The following FBXL13 variants were observed in gnomAD, a reference collection of about 807,000 sequenced individuals.
FBXL13 encodes the protein F-box and leucine-rich repeat protein 13.
A neutral mutation model predicts 83.6 loss-of-function variants in FBXL13; 67 were observed. The ratio of observed to expected loss-of-function variants is 0.80; its 90% CI spans 0.66 to 0.98. FBXL13 has a LOEUF of 0.98. Among genes scored for constraint, FBXL13 ranks in the 50% least tolerant of loss-of-function variants. FBXL13 has a pLI of 0.00. For synonymous variants in FBXL13, 272 were observed against 299.5 expected, an observed-to-expected ratio of 0.91 and a Z score of 0.95; for missense variants, 822 against 866.5, an observed-to-expected ratio of 0.95 and a Z score of 0.64.
chr7:103,028,035 C>G (rs1172730017), intron 4 of FBXL13, among the ~76,000 whole-genome samples: 1 of 152,082 alleles, frequency 6.6e-6, no homozygotes, highest in Non-Finnish European at 1.5e-5. Flanking sequence ...AGAAATGATT[C>G]TCTGGTTTGC....
chr7:103,055,831 T>A, intron 1 of FBXL13, 84 bp from the exon 2 acceptor site: 1 of 584,108 alleles, frequency 1.7e-6, no homozygotes, highest in South Asian at 1.7e-5. Flanking sequence ...ATTGTTCAAT[T>A]TGTTTTGGGT....
intron 8 of FBXL13, among the ~76,000 whole-genome samples, chr7:102,951,694 C>A (rs1407610882): frequency 1.3e-5 from 2 of 149,980 alleles, no homozygotes; most frequent in Non-Finnish European, 3.0e-5. Context: ...GTAGTCCTAG[C>A]TACTTAGGTG....
intron 6 of FBXL13, among the ~76,000 whole-genome samples, chr7:102,986,626 C>T (rs1828986954): frequency 6.6e-6 from 1 of 152,108 alleles, no homozygotes; most frequent in African/African-American, 2.4e-5. Context: ...AAGACTCTTG[C>T]ACAACCAAGC....
intron 17 of FBXL13, among the ~76,000 whole-genome samples, chr7:102,844,060 AAC>A (rs1381432868): frequency 2.0e-5 from 3 of 152,194 alleles, no homozygotes; most frequent in Non-Finnish European, 4.4e-5. Flanking sequence ...CCAGGCAGAA[AAC>A]ACAAGAGAGC....
At chr7:102,892,245 A>G (rs1451541875) in intron 11 of FBXL13, among the ~76,000 whole-genome samples, 1 of 152,200 alleles carries the variant, frequency 6.6e-6, no homozygotes, top group East Asian at 1.9e-4. Flanking sequence ...TTTTTGCCAG[A>G]TGTTTCATTT....
At chr7:102,908,805 C>A (rs894191611) in intron 11 of FBXL13, among the ~76,000 whole-genome samples, 4 of 152,246 alleles carry the variant, frequency 2.6e-5, no homozygotes, top group African/African-American at 7.2e-5. Flanking sequence ...GAAACAAGCA[C>A]CCCTGTGGCC....
intron 6 of FBXL13, among the ~76,000 whole-genome samples, chr7:103,016,781 G>A (rs1242788727): frequency 6.6e-6 from 1 of 152,200 alleles, no homozygotes; most frequent in Non-Finnish European, 1.5e-5. Flanking sequence ...CTGGGGGAGG[G>A]GCGCCCGCCA....
chr7:103,065,056 T>C (rs529598038), intron 1 of FBXL13, among the ~76,000 whole-genome samples: 1 of 152,342 alleles, frequency 6.6e-6, no homozygotes, highest in East Asian at 1.9e-4. Context: ...CACCAAGTGC[T>C]TTAACTGGTT....
chr7:102,816,463 C>T (rs895777490), intron 19 of FBXL13, among the ~76,000 whole-genome samples: 1 of 152,174 alleles, frequency 6.6e-6, no homozygotes, highest in African/African-American at 2.4e-5. Context: ...CCGTGACTAG[C>T]TGTCCTCACC....
At position 103,060,020 on chromosome 7, in the gene FBXL13, T is replaced by TTATATATATATA. The variant is rs772728840; in HGVS notation, c.-104-4285_-104-4274dup. 2.5e-3 allele frequency among the ~76,000 whole-genome samples: 127 copies of TTATATATATATA among 50,040 alleles called. 1 individual carries two copies. Among genetic ancestry groups the TTATATATATATA allele is most frequent in the Non-Finnish European group, 3.6e-3 (89 of 24,668 alleles). 32.8% of individuals were successfully genotyped at this position (50,040 alleles called of 152,430 possible). A position where few individuals can be genotyped will look rare whatever the true frequency, so the allele number is the denominator to read the frequency against. ...CAACAGATAATGATAGCAAGATATTTTATATATATATATATATATATATAT... is the reference window on the plus strand; with the variant it reads ...CAACAGATAATGATAGCAAGATATTTTATATATATATATATATATATATATATATATATATAT... On this transcript the variant is annotated intron_variant, in intron 1 of 19. Coordinates refer to ENST00000313221, the Ensembl canonical transcript of FBXL13.
At chr7:102,824,504 T>C (rs1329621102) in intron 18 of FBXL13, among the ~76,000 whole-genome samples, 4 of 151,964 alleles carry the variant, frequency 2.6e-5, no homozygotes, top group Non-Finnish European at 5.9e-5. Context: ...TTTTTCTTTC[T>C]TTTTTTTATT....
Position 102,883,479 on chromosome 7 carries a change from A to G in FBXL13, c.1226-12T>C, listed in dbSNP as rs373645786. 14 of 1,602,972 alleles carry G rather than the reference A, an allele frequency of 8.7e-6. No homozygotes were observed. Among genetic ancestry groups the G allele is most frequent in the Middle Eastern group, 1.7e-4 (1 of 6,002 alleles). On this transcript the variant is annotated splice_polypyrimidine_tract_variant and intron_variant, in intron 13 of 19. Coordinates refer to ENST00000313221, the Ensembl canonical transcript of FBXL13. ...AACCCTTTTATTTCCTGTTTTTAAA[A>G]AACAGAAGAAAAGACAAGTATTGTA...
At chr7:102,902,114 G>A (rs1563065627) in intron 11 of FBXL13, among the ~76,000 whole-genome samples, 2 of 151,988 alleles carry the variant, frequency 1.3e-5, no homozygotes, top group Admixed American at 1.3e-4. Flanking sequence ...TTAACTTTTG[G>A]AGAAAAGCCA....
rs189846013 is a variant in FBXL13 at position 102,955,925 on chromosome 7, C to T, written c.724+7608G>A. ...CAACCAAAAAAAGACCAGGACCAGA[C>T]GGATTCACAGCCGAATTCTACCAGA... On this transcript the variant is annotated intron_variant, in intron 8 of 19. Coordinates refer to ENST00000313221, the Ensembl canonical transcript of FBXL13. Among the ~76,000 whole-genome samples the T allele has an allele frequency of 3.5e-3, 537 of 152,136 alleles. 5 individuals carry two copies. Among genetic ancestry groups the T allele is most frequent in the Non-Finnish European group, 6.0e-3 (408 of 67,998 alleles).
chr7:102,953,463 C>G (rs1037835463), intron 8 of FBXL13, among the ~76,000 whole-genome samples: 8 of 151,996 alleles, frequency 5.3e-5, no homozygotes, highest in Non-Finnish European at 1.0e-4. Flanking sequence ...TCCCATCACC[C>G]TTTTATAATA....
rs74997353 is a variant in FBXL13, at chr7:102,913,962, G to A, written c.879-747C>T. 3.7e-3 allele frequency among the ~76,000 whole-genome samples: 568 copies of A among 152,268 alleles called. 5 individuals carry two copies. The highest frequency in any genetic ancestry group is 0.013 in the African/African-American group (561 of 41,558). On this transcript the variant is annotated intron_variant, in intron 10 of 19. Coordinates refer to ENST00000313221, the Ensembl canonical transcript of FBXL13. ...TATTACCACAATGACCAAAATGACA[G>A]CTTCCAGAAAAAAGTAGGGTAGTTA...
intron 1 of FBXL13, among the ~76,000 whole-genome samples, chr7:103,056,744 C>T (rs1019461792): frequency 6.6e-6 from 1 of 152,164 alleles, no homozygotes; most frequent in Non-Finnish European, 1.5e-5. Context: ...AGGCATGATC[C>T]ACCATGCCCA....
intron 18 of FBXL13, among the ~76,000 whole-genome samples, chr7:102,825,768 A>C (rs1432301606): frequency 6.6e-6 from 1 of 152,222 alleles, no homozygotes; most frequent in Non-Finnish European, 1.5e-5. Context: ...ATAATGTTTT[A>C]ACTTGGATTT....
intron 16 of FBXL13, among the ~76,000 whole-genome samples, chr7:102,873,432 T>C (rs1808796141): frequency 6.6e-6 from 1 of 152,198 alleles, no homozygotes; most frequent in South Asian, 2.1e-4. Flanking sequence ...TCTATCTCAT[T>C]GTTTCTTCTT....
Sources: gnomAD v4.1 joint callset for allele counts (sites outside exome capture counted in the v4.1 genomes callset) on GRCh38, gnomAD v4.1.1 for gene constraint, MANE v1.5 for transcripts, NCBI Gene and HGNC (gene_info 2026-07-23, HGNC 2026-07-21) for gene names.